The following ARID2 variants were observed in gnomAD, a reference collection of about 807,000 sequenced individuals.
The protein encoded by ARID2 is AT-rich interaction domain 2.
ARID2 carries 32 observed loss-of-function variants against 184.6 expected under a neutral mutation model. The observed-to-expected ratio is 0.17, with a 90% CI of 0.13 to 0.23. ARID2 has a LOEUF of 0.23. ARID2 is among the 10% of genes least tolerant of loss of function. The pLI is 1.00. For synonymous variants in ARID2, 836 were observed against 772.6 expected, an observed-to-expected ratio of 1.08 and a Z score of -1.36; for missense variants, 1,696 against 2,197.6, an observed-to-expected ratio of 0.77 and a Z score of 4.56.
At chr12:45,837,284 A>T (rs112090783) in intron 8 of ARID2, 37 bp from the exon 9 acceptor site, 9 of 1,490,690 alleles carry the variant, frequency 6.0e-6, no homozygotes, top group Non-Finnish European at 7.3e-6. Context: ...ACTCTGGAAG[A>T]AGCATAGCTC....
At chr12:45,816,173 G>A (rs1476440782) in intron 4 of ARID2, among the ~76,000 whole-genome samples, 2 of 152,096 alleles carry the variant, frequency 1.3e-5, no homozygotes, top group Middle Eastern at 3.4e-3. Context: ...CTGTAAGCCC[G>A]TTTTATCCCA....
intron 20 of ARID2, among the ~76,000 whole-genome samples, chr12:45,903,730 C>CAA (rs1944486372): frequency 6.6e-6 from 1 of 152,012 alleles, no homozygotes; most frequent in African/African-American, 2.4e-5. Context: ...TTCTTTTCTA[C>CAA]AGTGTTTTTT....
At chr12:45,747,903 G>A (rs377069365) in intron 3 of ARID2, among the ~76,000 whole-genome samples, 5 of 152,260 alleles carry the variant, frequency 3.3e-5, no homozygotes, top group African/African-American at 1.2e-4. Context: ...ATTTGAGAGA[G>A]TAATACAGAC....
intron 20 of ARID2, among the ~76,000 whole-genome samples, chr12:45,901,501 T>C (rs765954973): frequency 6.6e-6 from 1 of 151,850 alleles, no homozygotes; most frequent in Non-Finnish European, 1.5e-5. Context: ...GAGCTTGTTA[T>C]TGGTTGCCAG....
chr12:45,824,637 T>C (rs1167316121), intron 6 of ARID2, among the ~76,000 whole-genome samples: 1 of 151,808 alleles, frequency 6.6e-6, no homozygotes, highest in Admixed American at 6.6e-5. Context: ...CAAATGCTGG[T>C]AATAATGTGG....
intron 11 of ARID2, among the ~76,000 whole-genome samples, chr12:45,843,993 T>C (rs1324496341): frequency 6.6e-6 from 1 of 152,212 alleles, no homozygotes; most frequent in East Asian, 1.9e-4. Flanking sequence ...GTAATCTGAA[T>C]GAAATAAAAT....
chr12:45,853,833 G>A (rs1000165902), intron 15 of ARID2, among the ~76,000 whole-genome samples: 13 of 152,214 alleles, frequency 8.5e-5, no homozygotes, highest in African/African-American at 2.9e-4. Context: ...CCAAATCTAG[G>A]TGTGGGCAAT....
intron 16 of ARID2, among the ~76,000 whole-genome samples, chr12:45,867,616 G>A (rs902381889): frequency 2.8e-4 from 42 of 151,408 alleles, no homozygotes; most frequent in Admixed American, 8.6e-4. Context: ...GGTGGCGGGC[G>A]CCTGTAGTCC....
intron 15 of ARID2, among the ~76,000 whole-genome samples, chr12:45,857,062 G>C (rs1041208509): frequency 6.6e-6 from 1 of 151,808 alleles, no homozygotes; most frequent in African/African-American, 2.4e-5. Flanking sequence ...CATAAGACTT[G>C]GTTTTTTTTC....
chr12:45,901,870 G>T (rs1208259722), intron 20 of ARID2, among the ~76,000 whole-genome samples: 2 of 152,036 alleles, frequency 1.3e-5, no homozygotes, highest in Non-Finnish European at 2.9e-5. Context: ...GGGGGAGGGT[G>T]TCTCACTATA....
At chr12:45,859,274 A>G (rs552990027) in intron 15 of ARID2, among the ~76,000 whole-genome samples, 13 of 152,318 alleles carry the variant, frequency 8.5e-5, no homozygotes, top group Non-Finnish European at 1.8e-4. Context: ...ACGGTTGCCT[A>G]TAGTATTCGG....
intron 11 of ARID2, among the ~76,000 whole-genome samples, chr12:45,843,539 G>A (rs943966025): frequency 6.6e-6 from 1 of 151,758 alleles, no homozygotes; most frequent in African/African-American, 2.4e-5. Flanking sequence ...GCTAATTTTT[G>A]TATTTTTTTA....
At chr12:45,766,968 C>G (rs1056652063) in intron 3 of ARID2, among the ~76,000 whole-genome samples, 1 of 151,852 alleles carries the variant, frequency 6.6e-6, no homozygotes, top group Non-Finnish European at 1.5e-5. Flanking sequence ...AACTCTGTCT[C>G]AAAACAAAAC....
intron 4 of ARID2, among the ~76,000 whole-genome samples, chr12:45,815,781 C>T (rs919571628): frequency 3.3e-5 from 5 of 152,284 alleles, no homozygotes; most frequent in African/African-American, 1.2e-4. Context: ...CCCAGCTCAG[C>T]CTTCCAAACA....
intron 20 of ARID2, 71 bp downstream of exon 20, chr12:45,893,792 T>TA (rs1007594127): frequency 2.0e-5 from 24 of 1,227,850 alleles, no homozygotes; most frequent in Non-Finnish European, 2.7e-5. Flanking sequence ...TTAATAAAAT[T>TA]AGATAACTGT....
chr12:45,776,488 A>G (rs1362456681), intron 3 of ARID2, among the ~76,000 whole-genome samples: 1 of 152,224 alleles, frequency 6.6e-6, no homozygotes, highest in Non-Finnish European at 1.5e-5. Context: ...GGGTCAGGAT[A>G]GGTGTTTATA....
At chr12:45,867,611 C>T (rs1425656710) in intron 16 of ARID2, among the ~76,000 whole-genome samples, 3 of 151,434 alleles carry the variant, frequency 2.0e-5, no homozygotes, top group African/African-American at 7.3e-5. Flanking sequence ...GGCATGGTGG[C>T]GGGCGCCTGT....
chr12:45,755,123 C>T (rs1420648857), intron 3 of ARID2, among the ~76,000 whole-genome samples: 1 of 152,162 alleles, frequency 6.6e-6, no homozygotes, highest in East Asian at 1.9e-4. Context: ...AATATAAGAC[C>T]TGGACCAAAA....
At position 45,869,883 on chromosome 12, in the gene ARID2, A is replaced by AAAAAC. The variant is rs575246841; in HGVS notation, c.4922+8949_4922+8953dup. On this transcript the variant is annotated intron_variant, in intron 16 of 20. Coordinates refer to ENST00000334344, the MANE Select transcript of ARID2 (RefSeq NM_152641.4). ...GTGTGACAGAGCAAGATTCCACCTC[A>AAAAAC]AAAACAAAACAAAACAAAAACAAAC... 7.1e-3 allele frequency among the ~76,000 whole-genome samples: 1,084 copies of AAAAAC among 152,254 alleles called. 10 individuals are homozygous for AAAAAC. The highest frequency in any genetic ancestry group is 0.025 in the African/African-American group (1,025 of 41,550).
Sources: allele counts gnomAD v4.1 joint callset (sites outside exome capture counted in the v4.1 genomes callset), GRCh38; gene constraint gnomAD v4.1.1; transcripts MANE v1.5; gene names NCBI Gene and HGNC (gene_info 2026-07-23, HGNC 2026-07-21).